Variants in METTL16 observed in about 807,000 individuals in gnomAD.
The protein encoded by METTL16 is methyltransferase 16, RNA N6-adenosine, also known as RNA N(6)-adenosine-methyltransferase METTL16.
METTL16 carries 19 observed loss-of-function variants against 57.9 expected under a neutral mutation model. The ratio of observed to expected loss-of-function variants is 0.33; its 90% confidence interval spans 0.23 to 0.48. METTL16 has a LOEUF of 0.48. METTL16 is among the 20% of genes least tolerant of loss of function. The pLI is 0.99. For synonymous variants in METTL16, 246 were observed against 255.6 expected, an observed-to-expected ratio of 0.96 and a Z score of 0.36; for missense variants, 434 against 691.5, an observed-to-expected ratio of 0.63 and a Z score of 4.18.
intron 8 of METTL16, among the ~76,000 whole-genome samples, chr17:2,429,719 A>G (rs2151544354): frequency 6.6e-6 from 1 of 152,194 alleles, no homozygotes; most frequent in Non-Finnish European, 1.5e-5. Flanking sequence ...ATACGATAGT[A>G]TATACCACAT....
chr17:2,489,746 A>AAAAAAAAAAAC (rs1305425330), intron 2 of METTL16, among the ~76,000 whole-genome samples: 1 of 150,642 alleles, frequency 6.6e-6, no homozygotes, highest in Non-Finnish European at 1.5e-5. Context: ...AAAAAAAAAA[A>AAAAAAAAAAAC]AAACGAATAC....
At chr17:2,499,331 C>CTTTTTTT (rs1004416909) in intron 2 of METTL16, among the ~76,000 whole-genome samples, 1 of 127,614 alleles carries the variant, frequency 7.8e-6, no homozygotes. Context: ...AAAACTATAT[C>CTTTTTTT]TTTTTTTTTT....
intron 1 of METTL16, among the ~76,000 whole-genome samples, chr17:2,505,395 A>ATAT (rs2067523834): frequency 2.0e-5 from 1 of 50,554 alleles, no homozygotes; most frequent in East Asian, 5.0e-4. Context: ...GCCCAGAGGC[A>ATAT]TTTTTTTTTT....
chr17:2,448,724 A>C (rs2067037099), intron 6 of METTL16, among the ~76,000 whole-genome samples: 1 of 126,066 alleles, frequency 7.9e-6, no homozygotes, highest in Admixed American at 8.3e-5. Flanking sequence ...TGCGAGAAAC[A>C]CCCAAGAATG....
chr17:2,491,833 C>G (rs1434045069), intron 2 of METTL16, among the ~76,000 whole-genome samples: 1 of 141,214 alleles, frequency 7.1e-6, no homozygotes, highest in Non-Finnish European at 1.5e-5. Context: ...CGAGATCGCG[C>G]CACTGCACTC....
At chr17:2,424,234 C>T (rs2066795782) in intron 8 of METTL16, 1 of 149,958 alleles carries the variant, frequency 6.7e-6, no homozygotes, top group Non-Finnish European at 1.5e-5. Flanking sequence ...CTGCCTCAGC[C>T]TCCCAAGTAG....
Position 2,419,855 on chromosome 17 carries a change from G to T in METTL16, c.*115C>A, listed in dbSNP as rs969881415. The T allele has an allele frequency of 3.0e-6, 4 of 1,323,496 alleles. No homozygotes were observed. In the South Asian group the frequency reaches 3.9e-5, roughly 13 times the overall value. The allele number at this position is 1,323,496 out of a possible 1,614,324, so 82.0% of individuals were successfully genotyped here. On this transcript the variant is annotated 3_prime_UTR_variant, in exon 10 of 10. Transcript: ENST00000263092. ...GACAGATTCATAGGTTTTTGTTTTC[G>T]AAGATAATTCCACATCGTGCTACTA...
intron 1 of METTL16, among the ~76,000 whole-genome samples, chr17:2,510,084 AG>A (rs926197718): frequency 6.6e-6 from 1 of 152,116 alleles, no homozygotes; most frequent in Non-Finnish European, 1.5e-5. Flanking sequence ...AAAAAAAAAA[AG>A]AAAAAGAAAA....
chr17:2,489,442 G>A lies in METTL16; in HGVS notation c.129-11557C>T, dbSNP rs1040717287. On this transcript the variant is annotated intron_variant, in intron 2 of 9. Coordinates refer to ENST00000263092, the MANE Select transcript of METTL16 (RefSeq NM_024086.4). ...GGCCGAGGCAGGCAGGTCACCTGAC[G>A]TCAGGAGTTTGAGAGCAGCCTGGCC... is the stretch of plus-strand genomic sequence containing the variant. Among the ~76,000 whole-genome samples the A allele has an allele frequency of 2.6e-5, 4 of 152,028 alleles. No homozygotes were observed. The South Asian group carries it at 8.3e-4, about 32-fold the overall frequency.
At chr17:2,497,521 C>T (rs1421912260) in intron 2 of METTL16, among the ~76,000 whole-genome samples, 1 of 150,964 alleles carries the variant, frequency 6.6e-6, no homozygotes, top group Non-Finnish European at 1.5e-5. Flanking sequence ...CCATGTTGCC[C>T]AGGATGATCT....
rs1015953299 is a variant in METTL16 at position 2,416,364 on chromosome 17, T to G, written c.*3606A>C. On this transcript the variant is annotated 3_prime_UTR_variant, in exon 10 of 10. Transcript: ENST00000263092. ...TTCCATCTTTTCCACTCCTTGCAGT[T>G]TTGTTATTCCTGTCACAACTTAGAA... 1 of 152,218 alleles carries G rather than the reference T, an allele frequency of 6.6e-6. No homozygotes were observed. The highest frequency in any genetic ancestry group is 2.4e-5 in the African/African-American group (1 of 41,462). 9.4% of individuals were successfully genotyped at this position (152,218 alleles called of 1,614,324 possible). A position where few individuals can be genotyped will look rare whatever the true frequency, so the allele number is the denominator to read the frequency against.
rs2066738210 is a variant in METTL16 at position 2,418,688 on chromosome 17, G to A, written c.*1282C>T. ...AAGGCACAGCAGTTCCGCTTCCTGTGTCTCTGCCGAGGGCCTGATCTAGCT... is the reference window on the plus strand; with the variant it reads ...AAGGCACAGCAGTTCCGCTTCCTGTATCTCTGCCGAGGGCCTGATCTAGCT... On this transcript the variant is annotated 3_prime_UTR_variant, in exon 10 of 10. Transcript: ENST00000263092. 6.6e-6 allele frequency: 1 copy of A among 152,362 alleles called. No homozygotes were observed. Among genetic ancestry groups the A allele is most frequent in the Non-Finnish European group, 1.5e-5 (1 of 68,158 alleles). 9.4% of individuals were successfully genotyped at this position (152,362 alleles called of 1,614,324 possible).
At position 2,417,085 on chromosome 17, in the gene METTL16, T is replaced by TTTTTTTTTTTTTTA. The variant is rs869134753; in HGVS notation, c.*2884_*2885insTAAAAAAAAAAAAA. ...TTTTTTTTTTTTTTTTTTTTTTTTT[T>TTTTTTTTTTTTTTA]GAGACAGTCCCACTTTGTCGCCCAG... On this transcript the variant is annotated 3_prime_UTR_variant, in exon 10 of 10. Coordinates refer to ENST00000263092, the MANE Select transcript of METTL16 (RefSeq NM_024086.4). 4 of 138,434 alleles carry TTTTTTTTTTTTTTA rather than the reference T, an allele frequency of 2.9e-5. No homozygotes were observed. Among genetic ancestry groups the TTTTTTTTTTTTTTA allele is most frequent in the African/African-American group, 8.6e-5 (3 of 35,042 alleles). 8.6% of individuals were successfully genotyped at this position (138,434 alleles called of 1,614,324 possible). A position where few individuals can be genotyped will look rare whatever the true frequency, so the allele number is the denominator to read the frequency against.
chr17:2,463,576 G>C (rs764446810), intron 6 of METTL16, among the ~76,000 whole-genome samples: 13 of 151,670 alleles, frequency 8.6e-5, no homozygotes, highest in South Asian at 4.2e-4. Flanking sequence ...ATTCTCCTGC[G>C]TCAGCCTCCC....
At position 2,439,202 on chromosome 17, in the gene METTL16, C is replaced by T. The variant is rs545918455; in HGVS notation, c.799-1004G>A. Among the ~76,000 whole-genome samples, 18 of 152,184 alleles carry T rather than the reference C, an allele frequency of 1.2e-4. No homozygotes were observed. In the East Asian group the frequency reaches 2.3e-3, roughly 20 times the overall value. The stretch of plus-strand genomic sequence containing the variant: ...TTAGCTTGCTGCAACTTCAACTTTC[C>T]GGGCTCAATGGATCCTCCCACCTCA... On this transcript the variant is annotated intron_variant, in intron 7 of 9. Transcript: ENST00000263092.
chr17:2,483,350 GAAT>G (rs769545023), intron 2 of METTL16, among the ~76,000 whole-genome samples: 2 of 152,172 alleles, frequency 1.3e-5, no homozygotes, highest in African/African-American at 2.4e-5. Flanking sequence ...GAGGTCAAGA[GAAT>G]AATAACTTTA....
chr17:2,426,916 C>G (rs2066824004), intron 8 of METTL16, among the ~76,000 whole-genome samples: 1 of 151,278 alleles, frequency 6.6e-6, no homozygotes, highest in Non-Finnish European at 1.5e-5. Context: ...AGGCAGATCA[C>G]TTGAGGTCAG....
At chr17:2,437,022 C>A (rs2066913575) in intron 8 of METTL16, among the ~76,000 whole-genome samples, 1 of 152,030 alleles carries the variant, frequency 6.6e-6, no homozygotes, top group South Asian at 2.1e-4. Flanking sequence ...GCTGGGACTA[C>A]AGGCATGCGC....
intron 8 of METTL16, chr17:2,424,472 G>C (rs1035779090): frequency 3.9e-5 from 6 of 152,048 alleles, no homozygotes; most frequent in African/African-American, 9.7e-5. Context: ...GGCTGGTCTG[G>C]AACTCATAGG....
Sources: gnomAD v4.1 joint callset for allele counts (sites outside exome capture counted in the v4.1 genomes callset) on GRCh38, gnomAD v4.1.1 for gene constraint, MANE v1.5 for transcripts, NCBI Gene and HGNC (gene_info 2026-07-23, HGNC 2026-07-21) for gene names.